CDH23: variants seen among roughly 807,000 people sequenced by gnomAD.
CDH23 encodes the protein cadherin related 23, also known as cadherin-23.
CDH23 carries 189 observed loss-of-function variants against 317.1 expected under a neutral mutation model. The ratio of observed to expected loss-of-function variants is 0.60; its 90% CI spans 0.53 to 0.67. The LOEUF is 0.67. Ranked by LOEUF, CDH23 falls within the 30% of genes least tolerant of loss-of-function variation. The pLI is 0.00. For missense variants in CDH23, 4,401 were observed against 4,592.4 expected, an observed-to-expected ratio of 0.96 and a Z score of 1.20; for synonymous variants, 1,839 against 1,876.8, an observed-to-expected ratio of 0.98 and a Z score of 0.52.
intron 38 of CDH23, among the ~76,000 whole-genome samples, chr10:71,754,119 C>T (rs1307612950): frequency 6.6e-6 from 1 of 152,200 alleles, no homozygotes; most frequent in Non-Finnish European, 1.5e-5. Flanking sequence ...CAGCCTTCCA[C>T]CAGGGAGGGC....
At chr10:71,521,547 C>T (rs937344169) in intron 6 of CDH23, among the ~76,000 whole-genome samples, 1 of 152,206 alleles carries the variant, frequency 6.6e-6, no homozygotes, top group Non-Finnish European at 1.5e-5. Context: ...CGGTGCCCTC[C>T]CCTGAGATGC....
chr10:71,403,354 T>C (rs1382166864), intron 1 of CDH23, among the ~76,000 whole-genome samples: 5,189 of 94,282 alleles, frequency 0.055, 548 homozygotes, highest in African/African-American at 0.21. Context: ...TTTCTTTCTT[T>C]CTTTCTTTCT....
chr10:71,586,201 G>C (rs7921072), intron 9 of CDH23, among the ~76,000 whole-genome samples: 46 of 152,322 alleles, frequency 3.0e-4, no homozygotes, highest in African/African-American at 9.6e-4. Context: ...GGGGTTTCTA[G>C]CTCATGGCTG....
At chr10:71,659,171 T>C (rs1283037349) in intron 14 of CDH23, among the ~76,000 whole-genome samples, 1 of 152,058 alleles carries the variant, frequency 6.6e-6, no homozygotes, top group Non-Finnish European at 1.5e-5. Flanking sequence ...GCGAAGACAA[T>C]GGACCCCCTG....
At chr10:71,404,643 G>T (rs918728407) in intron 1 of CDH23, among the ~76,000 whole-genome samples, 5 of 152,236 alleles carry the variant, frequency 3.3e-5, no homozygotes, top group African/African-American at 1.2e-4. Context: ...TGCTCTTCCC[G>T]CTCCAGCACA....
intron 9 of CDH23, among the ~76,000 whole-genome samples, chr10:71,614,047 G>A (rs1861050619): frequency 1.3e-5 from 2 of 152,244 alleles, no homozygotes; most frequent in Admixed American, 1.3e-4. Context: ...CCAGAGCACA[G>A]AGGGTTTAGG....
chr10:71,687,431 T>G (rs572756433), intron 18 of CDH23, among the ~76,000 whole-genome samples: 2 of 152,242 alleles, frequency 1.3e-5, no homozygotes, highest in African/African-American at 4.8e-5. Flanking sequence ...GAGGCCTGCA[T>G]GTTTCCCCAA....
At chr10:71,475,112 G>A (rs1851720369) in intron 3 of CDH23, among the ~76,000 whole-genome samples, 1 of 152,208 alleles carries the variant, frequency 6.6e-6, no homozygotes, top group Non-Finnish European at 1.5e-5. Flanking sequence ...GATGGGGACT[G>A]AGAGTAGCTG....
intron 14 of CDH23, among the ~76,000 whole-genome samples, chr10:71,669,732 G>T (rs1864064409): frequency 6.6e-6 from 1 of 152,138 alleles, no homozygotes; most frequent in Non-Finnish European, 1.5e-5. Context: ...ACAAGCGTGA[G>T]CCACCGTGCC....
intron 28 of CDH23, among the ~76,000 whole-genome samples, chr10:71,722,211 C>T (rs905712040): frequency 1.6e-4 from 25 of 152,048 alleles, no homozygotes; most frequent in African/African-American, 2.4e-4. Context: ...GAAGCCAAGG[C>T]GGGAGGATTG....
intron 3 of CDH23, among the ~76,000 whole-genome samples, chr10:71,504,981 G>A (rs1180946517): frequency 6.6e-6 from 1 of 152,228 alleles, no homozygotes; most frequent in Non-Finnish European, 1.5e-5. Context: ...CTTCCCAGTA[G>A]CCAACCCAGT....
In CDH23 at chr10:71,803,030, G is replaced by T; in HGVS notation, c.7615G>T (p.Gly2539Cys). The change falls in exon 54 of 70, where the codon GGT becomes TGT. Residue 2539 changes from glycine to cysteine, a missense_variant. Gly to Cys is a radical substitution (Grantham distance 159, BLOSUM62 -3). Around this residue, in one of 3 missense-constraint regions of CDH23, gnomAD observed 1,144 missense variants for 1,138.2 expected, o/e 1.01. Coordinates refer to ENST00000224721, the MANE Select transcript of CDH23 (RefSeq NM_022124.6). ...ITMMATDQDE[G>C]PNGELTYSLE... ...CATGATGGCCACTGACCAGGATGAA[G>T]GTCCCAATGGAGAGTTGACCTACTC... The T allele has an allele frequency of 4.3e-6, 7 of 1,613,950 alleles. No homozygotes were observed. Among genetic ancestry groups the T allele is most frequent in the Non-Finnish European group, 5.9e-6 (7 of 1,179,830 alleles).
At chr10:71,496,778 TC>T (rs1350214694) in intron 3 of CDH23, among the ~76,000 whole-genome samples, 1 of 152,206 alleles carries the variant, frequency 6.6e-6, no homozygotes, top group African/African-American at 2.4e-5. Context: ...TGTTCTTAAA[TC>T]CCGATGCTTG....
At chr10:71,443,763 G>A (rs79746814) in intron 2 of CDH23, among the ~76,000 whole-genome samples, 205 of 152,248 alleles carry the variant, frequency 1.3e-3, no homozygotes, top group African/African-American at 3.8e-3. Context: ...TTACATTCCC[G>A]CTTCGCTGGA....
At chr10:71,704,025 TTTCTGC>T (rs1865687227) in intron 24 of CDH23, among the ~76,000 whole-genome samples, 1 of 152,124 alleles carries the variant, frequency 6.6e-6, no homozygotes, top group African/African-American at 2.4e-5. Flanking sequence ...GAGATACAGA[TTTCTGC>T]TGGTTGTGGA....
At chr10:71,485,689 G>A (rs530585547) in intron 3 of CDH23, among the ~76,000 whole-genome samples, 58 of 152,330 alleles carry the variant, frequency 3.8e-4, no homozygotes, top group African/African-American at 1.4e-3. Flanking sequence ...AACAGATTGG[G>A]GCTGTGTGGG....
Position 71,809,998 on chromosome 10 carries a change from T to C in CDH23, c.8901T>C (p.Arg2967=), listed in dbSNP as rs375720093. 1.9e-6 allele frequency: 3 copies of C among 1,612,218 alleles called. No individual in the cohort carries two copies. Among genetic ancestry groups the C allele is most frequent in the Non-Finnish European group, 2.5e-6 (3 of 1,179,888 alleles). The change falls in exon 61 of 70, where the codon CGT becomes CGC. Residue 2967 remains arginine, a synonymous_variant. Coordinates refer to ENST00000224721, the MANE Select transcript of CDH23 (RefSeq NM_022124.6). The part of the protein sequence containing the change: ...VKIVINEIPD[R]VRGFEEEFIH... The stretch of plus-strand genomic sequence containing the variant: ...TCGTCATTAACGAGATCCCCGACCG[T>C]GTGCGCGGCTTCGAGGAGGAGTTCA...
intron 26 of CDH23, 75 bp from the exon 27 acceptor site, chr10:71,709,023 C>T: frequency 7.3e-7 from 1 of 1,362,278 alleles, no homozygotes; most frequent in Non-Finnish European, 1.0e-6. Context: ...GGTCCCAGCT[C>T]AGGAGCAGAG....
intron 1 of CDH23, among the ~76,000 whole-genome samples, chr10:71,428,699 C>T (rs1485738468): frequency 6.6e-6 from 1 of 151,816 alleles, no homozygotes; most frequent in Non-Finnish European, 1.5e-5. Flanking sequence ...AGCAATTCCC[C>T]TGCCTCAGCC....
Sources: allele counts gnomAD v4.1 joint callset (sites outside exome capture counted in the v4.1 genomes callset), GRCh38; gene constraint gnomAD v4.1.1; regional missense constraint gnomAD v4.1.1; transcripts MANE v1.5; gene names NCBI Gene and HGNC (gene_info 2026-07-23, HGNC 2026-07-21).